Variants in PCCB observed in about 807,000 individuals in gnomAD.
PCCB encodes propionyl-CoA carboxylase subunit beta.
PCCB carries 43 observed loss-of-function variants against 60.7 expected under a neutral mutation model. That is an observed-to-expected ratio of 0.71 (90% CI 0.55 to 0.91). The LOEUF (loss-of-function observed/expected upper bound fraction) is 0.91, where lower values mean the gene tolerates loss of function less well. PCCB is among the 40% of genes least tolerant of loss of function. The pLI, the probability that PCCB is intolerant of heterozygous loss-of-function variation, is 0.00. For missense variants in PCCB, 766 were observed against 702.8 expected (o/e 1.09, Z -1.02); for synonymous variants, 276 against 255.9 (o/e 1.08, Z -0.75).
intron 9 of PCCB, among the ~76,000 whole-genome samples, chr3:136,311,298 A>G (rs1934658260): frequency 6.6e-6 from 1 of 152,202 alleles, no homozygotes; most frequent in African/African-American, 2.4e-5. Context: ...ACATAGCAAC[A>G]GGAAGATAAA....
At chr3:136,262,708 C>T (rs1288064018) in intron 5 of PCCB, among the ~76,000 whole-genome samples, 1 of 152,112 alleles carries the variant, frequency 6.6e-6, no homozygotes, top group East Asian at 1.9e-4. Context: ...GCAACATTTC[C>T]AGGGAGAAGA....
At chr3:136,287,590 A>G (rs1933476933) in intron 6 of PCCB, among the ~76,000 whole-genome samples, 1 of 151,882 alleles carries the variant, frequency 6.6e-6, no homozygotes. Context: ...GTGCCACCAC[A>G]CACCCGGCTA....
intron 6 of PCCB, among the ~76,000 whole-genome samples, chr3:136,288,337 GTTT>G (rs1933516695): frequency 6.6e-6 from 1 of 151,852 alleles, no homozygotes; most frequent in African/African-American, 2.4e-5. Flanking sequence ...TTCTTAAAAT[GTTT>G]TTTATTATTT....
At chr3:136,306,502 T>C (rs1324382154) in intron 9 of PCCB, among the ~76,000 whole-genome samples, 1 of 122,036 alleles carries the variant, frequency 8.2e-6, no homozygotes, top group Non-Finnish European at 1.8e-5. Flanking sequence ...AATGAAATAA[T>C]ATAAAAAAGT....
intron 6 of PCCB, among the ~76,000 whole-genome samples, chr3:136,288,577 T>C (rs1043120452): frequency 3.3e-5 from 5 of 152,030 alleles, no homozygotes; most frequent in African/African-American, 1.2e-4. Flanking sequence ...CTTGAACTCC[T>C]GGGCTCAAGC....
chr3:136,326,385 G>A (rs2108237287), intron 10 of PCCB: 1 of 702,834 alleles, frequency 1.4e-6, no homozygotes, highest in East Asian at 2.7e-5. Flanking sequence ...CTACTTTGCA[G>A]GTAAGGAACC....
chr3:136,286,695 C>T (rs1034149994), intron 6 of PCCB, among the ~76,000 whole-genome samples: 3 of 152,158 alleles, frequency 2.0e-5, no homozygotes, highest in African/African-American at 7.2e-5. Context: ...CACTTTGATT[C>T]AAGCACATCA....
intron 6 of PCCB, among the ~76,000 whole-genome samples, chr3:136,288,471 G>C (rs985732289): frequency 2.0e-5 from 3 of 149,974 alleles, no homozygotes; most frequent in Non-Finnish European, 4.4e-5. Context: ...TCAGCCTCCT[G>C]TGTAGCTGGG....
intron 9 of PCCB, among the ~76,000 whole-genome samples, chr3:136,301,395 T>C (rs1445334350): frequency 1.3e-5 from 2 of 151,992 alleles, no homozygotes; most frequent in Non-Finnish European, 2.9e-5. Context: ...GGATCATAAA[T>C]TAGGGGCCAT....
chr3:136,268,378 T>G (rs1252298686), intron 5 of PCCB, among the ~76,000 whole-genome samples: 1 of 151,732 alleles, frequency 6.6e-6, no homozygotes, highest in Non-Finnish European at 1.5e-5. Flanking sequence ...CTTCCATTGT[T>G]CTATGTCTGT....
chr3:136,305,805 A>G (rs1253811508), intron 9 of PCCB, among the ~76,000 whole-genome samples: 1 of 120,928 alleles, frequency 8.3e-6, no homozygotes, highest in African/African-American at 2.5e-5. Context: ...CAAAGCAGTG[A>G]CTTTAGAAGC....
At chr3:136,278,755 A>G (rs1337889988) in intron 5 of PCCB, among the ~76,000 whole-genome samples, 2 of 152,210 alleles carry the variant, frequency 1.3e-5, no homozygotes, top group African/African-American at 4.8e-5. Context: ...CTTGACAAGA[A>G]TATATACTCT....
At chr3:136,326,146 G>A (rs1321880043) in intron 10 of PCCB, among the ~76,000 whole-genome samples, 1 of 152,114 alleles carries the variant, frequency 6.6e-6, no homozygotes, top group African/African-American at 2.4e-5. Context: ...ACTTGATAAT[G>A]TGCCTTACTT....
At chr3:136,276,893 C>T (rs1278437173) in intron 5 of PCCB, among the ~76,000 whole-genome samples, 1 of 152,194 alleles carries the variant, frequency 6.6e-6, no homozygotes, top group Non-Finnish European at 1.5e-5. Flanking sequence ...ATTCTTTTGT[C>T]CCATGGGGTA....
rs766912098 is a variant in PCCB, at chr3:136,256,504, TAGA to T, written c.304-45_304-43del. The stretch of plus-strand genomic sequence containing the variant: ...ATTGAGGCATAGTGGCCAAACTCAT[TAGA>T]AGAAGTATTTGGATTTTTTAACCTT... On this transcript the variant is annotated intron_variant, in intron 2 of 14. Coordinates refer to ENST00000251654, the MANE Select transcript of PCCB (RefSeq NM_000532.5). 112 of 1,340,504 alleles carry T rather than the reference TAGA, an allele frequency of 8.4e-5. 1 individual carries two copies. In the African/African-American group the frequency reaches 1.4e-3, roughly 17 times the overall value. 83.0% of individuals were successfully genotyped at this position (1,340,504 alleles called of 1,614,324 possible). A position where few individuals can be genotyped will look rare whatever the true frequency, so the allele number is the denominator to read the frequency against.
chr3:136,310,730 T>G (rs1934631676), intron 9 of PCCB, among the ~76,000 whole-genome samples: 1 of 152,230 alleles, frequency 6.6e-6, no homozygotes, highest in South Asian at 2.1e-4. Context: ...ATATTGCTTA[T>G]TTCTTTAAAA....
chr3:136,300,838 T>C (rs1408345357), intron 8 of PCCB, among the ~76,000 whole-genome samples, 192 bp from the exon 9 acceptor site: 1 of 152,222 alleles, frequency 6.6e-6, no homozygotes, highest in Non-Finnish European at 1.5e-5. Flanking sequence ...TTTGGATTGA[T>C]ACTTGTCCCA....
In PCCB at chr3:136,265,227, A is replaced by G. The variant is rs1286180824; in HGVS notation, c.543+3162A>G. On this transcript the variant is annotated intron_variant, in intron 5 of 14. Coordinates refer to ENST00000251654, the MANE Select transcript of PCCB (RefSeq NM_000532.5). Reference sequence around the variant, plus strand: ...AAGTAGCTTTATTGAGATATAATTTACAAACCATAAAATCCACCCATTGTG... The same window carrying G: ...AAGTAGCTTTATTGAGATATAATTTGCAAACCATAAAATCCACCCATTGTG... 3.9e-5 allele frequency among the ~76,000 whole-genome samples: 6 copies of G among 152,322 alleles called. No individual in the cohort carries two copies. In the East Asian group the frequency reaches 1.2e-3, roughly 29 times the overall value.
chr3:136,292,087 G>A (rs1031015217), intron 6 of PCCB, among the ~76,000 whole-genome samples: 6 of 152,112 alleles, frequency 3.9e-5, no homozygotes, highest in Non-Finnish European at 8.8e-5. Context: ...GGGGTGCTTT[G>A]TTCTGCAAAG....
Sources: allele counts gnomAD v4.1 joint callset (sites outside exome capture counted in the v4.1 genomes callset), GRCh38; gene constraint gnomAD v4.1.1; transcripts MANE v1.5; gene names NCBI Gene and HGNC (gene_info 2026-07-23, HGNC 2026-07-21).